SLC25A21: variants seen among roughly 807,000 people sequenced by gnomAD.
The protein encoded by SLC25A21 is mitochondrial 2-oxodicarboxylate carrier.
A neutral mutation model predicts 43.8 loss-of-function variants in SLC25A21; 47 were observed. That is an observed-to-expected ratio of 1.07 (90% CI 0.85 to 1.37). The LOEUF (loss-of-function observed/expected upper bound fraction) is 1.37, where lower values mean the gene tolerates loss of function less well. SLC25A21 is among the 40% of genes most tolerant of loss of function. The probability of loss-of-function intolerance (pLI) is 0.00; values close to 1 mark genes in which losing one functional copy is unlikely to be tolerated. For missense variants in SLC25A21, 352 were observed against 350.2 expected (o/e 1.00, Z -0.04); for synonymous variants, 131 against 121.3 (o/e 1.08, Z -0.52).
chr14:37,172,231 C>A, intron 1 of SLC25A21, 50 bp downstream of exon 1: 1 of 1,525,768 alleles, frequency 6.6e-7, no homozygotes, highest in Non-Finnish European at 8.9e-7. Context: ...TCAGGACACG[C>A]GGTGGGGAAA....
chr14:36,741,371 T>A (rs1303537928), intron 3 of SLC25A21, among the ~76,000 whole-genome samples: 3 of 152,302 alleles, frequency 2.0e-5, no homozygotes, highest in African/African-American at 7.2e-5. Context: ...AACCTTGTTG[T>A]CTATCAGAAA....
At chr14:36,733,621 T>C (rs1355076813) in intron 4 of SLC25A21, among the ~76,000 whole-genome samples, 2 of 152,224 alleles carry the variant, frequency 1.3e-5, no homozygotes, top group Non-Finnish European at 2.9e-5. Flanking sequence ...CTTCTTGTCT[T>C]TCAGGAGTAC....
chr14:36,741,075 G>A (rs936047361), intron 3 of SLC25A21, among the ~76,000 whole-genome samples: 2 of 151,140 alleles, frequency 1.3e-5, no homozygotes, highest in African/African-American at 4.9e-5. Flanking sequence ...AAAAGGAGTG[G>A]AAAAATCACA....
At chr14:36,828,702 G>A (rs1353459377) in intron 2 of SLC25A21, 1 of 152,220 alleles carries the variant, frequency 6.6e-6, no homozygotes, top group African/African-American at 2.4e-5. Context: ...CTGTGACTCT[G>A]CCTCTCTATG....
intron 1 of SLC25A21, among the ~76,000 whole-genome samples, chr14:37,051,731 G>C (rs1301375474): frequency 6.6e-6 from 1 of 152,184 alleles, no homozygotes; most frequent in Non-Finnish European, 1.5e-5. Context: ...ATATGGAAAA[G>C]GCCACCTGGT....
At chr14:37,137,054 G>A (rs1024544294) in intron 1 of SLC25A21, among the ~76,000 whole-genome samples, 4 of 152,122 alleles carry the variant, frequency 2.6e-5, no homozygotes, top group Admixed American at 2.0e-4. Flanking sequence ...AGGCTGGGGT[G>A]CAGTGGCGCA....
At chr14:36,792,193 T>C (rs893588535) in intron 3 of SLC25A21, among the ~76,000 whole-genome samples, 2 of 152,160 alleles carry the variant, frequency 1.3e-5, no homozygotes, top group Admixed American at 1.3e-4. Context: ...CAGTGGCTCA[T>C]GATGTGTCCC....
chr14:37,005,355 T>C (rs1960578368), intron 1 of SLC25A21, among the ~76,000 whole-genome samples: 1 of 152,184 alleles, frequency 6.6e-6, no homozygotes, highest in East Asian at 1.9e-4. Flanking sequence ...TTTTGGTTCT[T>C]GGTTCCCATC....
At chr14:36,962,207 T>TA (rs1188651675) in intron 1 of SLC25A21, among the ~76,000 whole-genome samples, 1 of 152,188 alleles carries the variant, frequency 6.6e-6, no homozygotes, top group Non-Finnish European at 1.5e-5. Flanking sequence ...TAAATATCTT[T>TA]AAAAAATTAG....
chr14:37,054,611 G>C (rs756590181), intron 1 of SLC25A21, among the ~76,000 whole-genome samples: 31 of 152,180 alleles, frequency 2.0e-4, no homozygotes, highest in Non-Finnish European at 3.7e-4. Context: ...CAGGAGACTT[G>C]GTGAGGAGGT....
At chr14:37,032,386 A>G (rs1961233711) in intron 1 of SLC25A21, among the ~76,000 whole-genome samples, 1 of 151,966 alleles carries the variant, frequency 6.6e-6, no homozygotes, top group Admixed American at 6.6e-5. Flanking sequence ...AAAAAATAAA[A>G]CTAGCCGGGC....
chr14:36,743,608 C>G (rs1885366763), intron 3 of SLC25A21, among the ~76,000 whole-genome samples: 1 of 151,998 alleles, frequency 6.6e-6, no homozygotes, highest in African/African-American at 2.4e-5. Context: ...AAAGCATTTC[C>G]CCTAAGAACA....
At chr14:36,805,134 G>T (rs746270962) in intron 3 of SLC25A21, among the ~76,000 whole-genome samples, 4 of 152,114 alleles carry the variant, frequency 2.6e-5, no homozygotes, top group Non-Finnish European at 5.9e-5. Flanking sequence ...GGTCCTCCTT[G>T]CCTTCTTGTC....
At chr14:37,067,459 T>C (rs1255540792) in intron 1 of SLC25A21, among the ~76,000 whole-genome samples, 1 of 152,122 alleles carries the variant, frequency 6.6e-6, no homozygotes. Context: ...ACCCAGAAAA[T>C]GCATCCTTAT....
intron 1 of SLC25A21, among the ~76,000 whole-genome samples, chr14:37,169,915 T>C (rs1461839617): frequency 6.6e-6 from 1 of 152,186 alleles, no homozygotes; most frequent in East Asian, 1.9e-4. Context: ...CTATTTTTTA[T>C]CTTATAAATA....
intron 3 of SLC25A21, among the ~76,000 whole-genome samples, chr14:36,770,743 G>A (rs1886590808): frequency 6.6e-6 from 1 of 152,062 alleles, no homozygotes; most frequent in Non-Finnish European, 1.5e-5. Context: ...TTCTTACTTA[G>A]GTTACCTTTA....
At chr14:36,901,439 A>G (rs1891397064) in intron 1 of SLC25A21, among the ~76,000 whole-genome samples, 1 of 152,222 alleles carries the variant, frequency 6.6e-6, no homozygotes, top group Non-Finnish European at 1.5e-5. Flanking sequence ...ACTATTACCT[A>G]TATAGATTAG....
chr14:36,944,040 T>G (rs1892627148), intron 1 of SLC25A21, among the ~76,000 whole-genome samples: 6 of 152,288 alleles, frequency 3.9e-5, no homozygotes, highest in Admixed American at 3.9e-4. Flanking sequence ...CCCAATTCCC[T>G]CTGAAATCCC....
intron 1 of SLC25A21, among the ~76,000 whole-genome samples, chr14:37,015,318 T>G (rs1240341055): frequency 6.6e-6 from 1 of 151,164 alleles, no homozygotes; most frequent in Non-Finnish European, 1.5e-5. Flanking sequence ...TGTGATAGTT[T>G]GCTGAGAATG....
Sources: allele counts gnomAD v4.1 joint callset (sites outside exome capture counted in the v4.1 genomes callset), GRCh38; gene constraint gnomAD v4.1.1; transcripts MANE v1.5; gene names NCBI Gene and HGNC (gene_info 2026-07-23, HGNC 2026-07-21).